The following LHCGR variants were observed in gnomAD, a reference collection of about 807,000 sequenced individuals.
The protein encoded by LHCGR is luteinizing hormone/choriogonadotropin receptor.
In LHCGR, 55 loss-of-function variants were observed where a neutral mutation model predicts 60.7. The observed-to-expected ratio is 0.91, with a 90% confidence interval of 0.73 to 1.13. The LOEUF (loss-of-function observed/expected upper bound fraction) is 1.13. LHCGR is among the 50% of genes most tolerant of loss of function. The pLI, the probability that LHCGR is intolerant of heterozygous loss-of-function variation, is 0.00. For synonymous variants in LHCGR, 337 were observed against 316.5 expected (o/e 1.06, Z -0.69); for missense variants, 862 against 836.0 (o/e 1.03, Z -0.38).
rs1298460930 is a variant in LHCGR, at chr2:48,752,861, C to T, written c.161+2650G>A. Among the ~76,000 whole-genome samples the T allele has an allele frequency of 2.0e-5, 3 of 151,676 alleles. No homozygotes were observed. In the East Asian group the frequency reaches 5.8e-4, roughly 29 times the overall value. The stretch of plus-strand genomic sequence containing the variant: ...TCTGTCCTCCATGGATTCCTTCCTG[C>T]AGTCCTCTTTGAGGAAAAAAAAAAC... On this transcript the variant is annotated intron_variant, in intron 1 of 10. Coordinates refer to ENST00000294954, the MANE Select transcript of LHCGR (RefSeq NM_000233.4).
intron 2 of LHCGR, among the ~76,000 whole-genome samples, chr2:48,730,571 T>C (rs1307646992): frequency 6.6e-6 from 1 of 152,154 alleles, no homozygotes; most frequent in East Asian, 1.9e-4. Context: ...CTGTGAGAAC[T>C]CAATGGCCAT....
chr2:48,742,990 A>G (rs1317156655), intron 1 of LHCGR, among the ~76,000 whole-genome samples: 1 of 152,230 alleles, frequency 6.6e-6, no homozygotes, highest in East Asian at 1.9e-4. Context: ...AATAGATGCA[A>G]TAAAAAATGA....
In LHCGR at chr2:48,731,238, C is replaced by A. The variant is rs757817671; in HGVS notation, c.222G>T (p.Glu74Asp). 4 of 1,606,224 alleles carry A rather than the reference C, an allele frequency of 2.5e-6. No homozygotes were observed. Among genetic ancestry groups the A allele is most frequent in the South Asian group, 1.1e-5 (1 of 90,870 alleles). Reference protein sequence around the residue: ...IPSQAFRGLNEVIKIEISQID... With the variant: ...IPSQAFRGLNDVIKIEISQID... ...AGTAACTTACTTACATTTTTATGAC[C>A]TCATTAAGTCCTCTGAAAGCTTGAG... Residue 74 changes from glutamate to aspartate, a missense_variant, in exon 2 of 11, where the codon GAG becomes GAT. By Grantham distance (45) the Glu-to-Asp change is conservative (BLOSUM62 2). Transcript: ENST00000294954.
chr2:48,746,341 G>C (rs1329928594), intron 1 of LHCGR, among the ~76,000 whole-genome samples: 2 of 152,172 alleles, frequency 1.3e-5, no homozygotes, highest in East Asian at 3.9e-4. Context: ...CTGAGAGGGA[G>C]AATAAATACT....
Position 48,688,173 on chromosome 2 carries a change from T to C in LHCGR, c.1624A>G (p.Ile542Val). ...TAAATTTTAATGTAGCAAGCACAAATTATGAAGAAGGCCACCACATTGAGA... is the reference window on the plus strand; with the variant it reads ...TAAATTTTAATGTAGCAAGCACAAACTATGAAGAAGGCCACCACATTGAGA... ...LILNVVAFFI[I>V]CACYIKIYFA... The change falls in exon 11 of 11, where the codon ATT becomes GTT. Residue 542 changes from isoleucine (I) to valine (V), a missense_variant. Transcript: ENST00000294954. This position sits in a 1 kb window ranked among gnomAD's most constrained non-coding sequence, Gnocchi z 5.2. 6.2e-7 allele frequency: 1 copy of C among 1,614,166 alleles called. No homozygotes were observed. The highest frequency in any genetic ancestry group is 1.3e-5 in the African/African-American group (1 of 75,044).
chr2:48,721,093 T>G (rs756920629), intron 6 of LHCGR: 3 of 152,436 alleles, frequency 2.0e-5, no homozygotes, highest in Non-Finnish European at 4.4e-5. Flanking sequence ...TCTACTAGCT[T>G]GTATTATTAT....
Position 48,723,602 on chromosome 2 carries a change from G to A in LHCGR, c.458+20C>T, listed in dbSNP as rs1340667043. 2 of 1,607,336 alleles carry A rather than the reference G, an allele frequency of 1.2e-6. No individual in the cohort carries two copies. Among genetic ancestry groups the A allele is most frequent in the Non-Finnish European group, 1.7e-6 (2 of 1,173,824 alleles). ...TGCAAATAGGAAACTGTTATGCATA[G>A]CAATCAGCCTGGTACTTACAGAATG... is the stretch of plus-strand genomic sequence containing the variant. On this transcript the variant is annotated intron_variant, in intron 5 of 10. Coordinates refer to ENST00000294954, the MANE Select transcript of LHCGR (RefSeq NM_000233.4).
intron 1 of LHCGR, among the ~76,000 whole-genome samples, chr2:48,739,621 A>G (rs1379689990): frequency 6.7e-6 from 1 of 148,612 alleles, no homozygotes; most frequent in Admixed American, 6.7e-5. Flanking sequence ...ATGAGAACAC[A>G]TGGACACAGG....
intron 1 of LHCGR, among the ~76,000 whole-genome samples, chr2:48,752,986 G>GGGGGGGGGGTGGGGT (rs1670038907): frequency 1.6e-5 from 1 of 63,932 alleles, no homozygotes; most frequent in African/African-American, 6.2e-5. Flanking sequence ...TTTGGCGGGG[G>GGGGGGGGGGTGGGGT]GGGGGGGGGG....
intron 1 of LHCGR, 98 bp downstream of exon 1, chr2:48,755,413 C>A (rs1670161801): frequency 1.3e-6 from 1 of 786,740 alleles, no homozygotes; most frequent in Non-Finnish European, 2.0e-6. Context: ...CTCCAAGCTT[C>A]CAGGGAAAGG....
chr2:48,719,093 C>T lies in LHCGR; in HGVS notation c.536+4363G>A, dbSNP rs537405967. Among the ~76,000 whole-genome samples the T allele has an allele frequency of 9.9e-5, 15 of 152,280 alleles. No individual in the cohort carries two copies. The East Asian group carries it at 1.9e-3, about 20-fold the overall frequency. Reference sequence around the variant, plus strand: ...ATCCCAGCACTTTGGGAGGCTGAGGCGGGCGGATCACGAGGTCAGGAGATC... The same window carrying T: ...ATCCCAGCACTTTGGGAGGCTGAGGTGGGCGGATCACGAGGTCAGGAGATC... On this transcript the variant is annotated intron_variant, in intron 6 of 10. Transcript: ENST00000294954.
Position 48,703,625 on chromosome 2 carries a change from A to G in LHCGR, c.681-4825T>C, listed in dbSNP as rs528955439. On this transcript the variant is annotated intron_variant, in intron 8 of 10. Coordinates refer to ENST00000294954, the MANE Select transcript of LHCGR (RefSeq NM_000233.4). ...CATATCCTTTGTAAGCTGGATTCCC[A>G]GGTATTTTATTCTCTTTGTAGTAAT... Among the ~76,000 whole-genome samples, 8 of 152,246 alleles carry G rather than the reference A, an allele frequency of 5.3e-5. No individual in the cohort carries two copies. The East Asian group carries it at 9.6e-4, about 18-fold the overall frequency.
At chr2:48,705,073 G>A (rs192661615) in intron 8 of LHCGR, among the ~76,000 whole-genome samples, 1 of 152,184 alleles carries the variant, frequency 6.6e-6, no homozygotes, top group African/African-American at 2.4e-5. Flanking sequence ...GTGTCCCAGA[G>A]ATTCTGGTAC....
rs770358106 is a variant in LHCGR, at chr2:48,709,007, G to A, written c.621C>T (p.Asn207=). The change falls in exon 8 of 11, where the codon AAC becomes AAT. Residue 207 remains asparagine (N), a synonymous_variant. Coordinates refer to ENST00000294954, the MANE Select transcript of LHCGR (RefSeq NM_000233.4). ...TTLTSLELKE[N]VHLEKMHNGA... is the part of the protein sequence containing the mutation. ...CATTGTGCATCTTCTCCAGATGTACGTTTTCCTTTAGCTCCCTGTGGGGAA... is the reference window on the plus strand; with the variant it reads ...CATTGTGCATCTTCTCCAGATGTACATTTTCCTTTAGCTCCCTGTGGGGAA... 10 of 1,614,050 alleles carry A rather than the reference G, an allele frequency of 6.2e-6. No homozygotes were observed. Among genetic ancestry groups the A allele is most frequent in the South Asian group, 2.2e-5 (2 of 91,086 alleles).
At chr2:48,731,004 A>C (rs1171382004) in intron 2 of LHCGR, among the ~76,000 whole-genome samples, 1 of 152,152 alleles carries the variant, frequency 6.6e-6, no homozygotes, top group Non-Finnish European at 1.5e-5. Flanking sequence ...GCATTCAGTC[A>C]TTTGAAGCAA....
At chr2:48,700,559 TG>T (rs1368007608) in intron 8 of LHCGR, among the ~76,000 whole-genome samples, 2 of 152,028 alleles carry the variant, frequency 1.3e-5, no homozygotes, top group Non-Finnish European at 2.9e-5. Flanking sequence ...GGGAACACAG[TG>T]GGTTGGTTGT....
At chr2:48,749,365 A>G (rs1449085691) in intron 1 of LHCGR, among the ~76,000 whole-genome samples, 1 of 152,176 alleles carries the variant, frequency 6.6e-6, no homozygotes, top group Non-Finnish European at 1.5e-5. Context: ...GCTGGGTGGG[A>G]ATTTGCTAAA....
Position 48,738,275 on chromosome 2 carries a change from T to A in LHCGR, c.162-6977A>T, listed in dbSNP as rs370793549. Among the ~76,000 whole-genome samples the A allele has an allele frequency of 2.6e-5, 4 of 152,352 alleles. 1 individual carries two copies. On this transcript the variant is annotated intron_variant, in intron 1 of 10. Coordinates refer to ENST00000294954, the MANE Select transcript of LHCGR (RefSeq NM_000233.4). ...TTGAGAATTTACCAGATGCCATGCG[T>A]GAACATTTCCTCTGTTCTCCCATCG...
At chr2:48,696,875 G>A (rs568137615) in intron 9 of LHCGR, among the ~76,000 whole-genome samples, 3 of 152,230 alleles carry the variant, frequency 2.0e-5, no homozygotes, top group African/African-American at 7.2e-5. Flanking sequence ...AAAAAATGTG[G>A]GTATCCAGAA....
Sources: allele counts gnomAD v4.1 joint callset (sites outside exome capture counted in the v4.1 genomes callset), GRCh38; gene constraint gnomAD v4.1.1; non-coding constraint Gnocchi (gnomAD v3.1); transcripts MANE v1.5; gene names NCBI Gene and HGNC (gene_info 2026-07-23, HGNC 2026-07-21).